DOCK4: variants seen among roughly 807,000 people sequenced by gnomAD.
The protein encoded by DOCK4 is dedicator of cytokinesis 4.
In DOCK4, 97 loss-of-function variants were observed where a neutral mutation model predicts 268.1. The observed-to-expected ratio is 0.36, with a 90% CI of 0.31 to 0.43. The LOEUF is 0.43. DOCK4 is among the 20% of genes least tolerant of loss of function. The pLI is 1.00. For missense variants in DOCK4, 2,145 were observed against 2,455.7 expected, an observed-to-expected ratio of 0.87 and a Z score of 2.67; for synonymous variants, 954 against 887.2, an observed-to-expected ratio of 1.08 and a Z score of -1.34.
intron 34 of DOCK4, 85 bp from the exon 35 acceptor site, chr7:111,783,009 A>T: frequency 8.6e-7 from 1 of 1,161,786 alleles, no homozygotes; most frequent in Non-Finnish European, 1.2e-6. Context: ...AAAAAAAGAA[A>T]GAAAGAAAGA....
At chr7:111,789,093 C>T (rs2133796237) in intron 31 of DOCK4, 1 of 317,558 alleles carries the variant, frequency 3.1e-6, no homozygotes, top group South Asian at 3.8e-5. Flanking sequence ...TTTTTTTAAA[C>T]ATCACTATAT....
intron 12 of DOCK4, among the ~76,000 whole-genome samples, chr7:111,919,246 A>T (rs1482258914): frequency 6.6e-6 from 1 of 152,216 alleles, no homozygotes; most frequent in Admixed American, 6.5e-5. Flanking sequence ...GAAGAAAATT[A>T]AAGAAGATAG....
chr7:111,790,653 G>T, intron 30 of DOCK4, 48 bp from the exon 31 acceptor site: 1 of 1,484,246 alleles, frequency 6.7e-7, no homozygotes, highest in Non-Finnish European at 9.0e-7. Context: ...ATCTTAATAT[G>T]ATTTCAGAAA....
At position 111,895,728 on chromosome 7, in the gene DOCK4, A is replaced by T; in HGVS notation, c.1481-10T>A. On this transcript the variant is annotated splice_polypyrimidine_tract_variant and intron_variant, in intron 15 of 52. Coordinates refer to ENST00000428084, the MANE Select transcript of DOCK4 (RefSeq NM_001363540.2). The stretch of plus-strand genomic sequence containing the variant: ...TCTCCTTTCTCCTTTGCTGTAAAAA[A>T]CAAATTACTTGCTTATTTAAGTGTA... 2 of 1,611,588 alleles carry T rather than the reference A, an allele frequency of 1.2e-6. No individual in the cohort carries two copies. The highest frequency in any genetic ancestry group is 2.2e-5 in the East Asian group (1 of 44,856).
chr7:111,758,479 C>G, intron 41 of DOCK4, 145 bp downstream of exon 41: 3 of 943,418 alleles, frequency 3.2e-6, no homozygotes, highest in Non-Finnish European at 4.7e-6. Flanking sequence ...CGTGGAGCTG[C>G]AGAACCACTA....
intron 1 of DOCK4, among the ~76,000 whole-genome samples, chr7:112,093,990 T>A (rs1267562239): frequency 1.3e-5 from 2 of 152,006 alleles, no homozygotes. Flanking sequence ...GCTTAGATAT[T>A]ATGAGACCAT....
At chr7:112,165,368 G>C (rs145293615) in intron 1 of DOCK4, among the ~76,000 whole-genome samples, 1 of 151,258 alleles carries the variant, frequency 6.6e-6, no homozygotes, top group Non-Finnish European at 1.5e-5. Context: ...CATGCTCTAC[G>C]TCCATGTGAT....
In DOCK4 at chr7:111,863,873, T is replaced by C. The variant is rs553567208; in HGVS notation, c.2281-309A>G. ...GTGCATCAAAACTGAATAGAAAGAATGCTCAACCAAGACCTGGATTGTAGT... is the reference window on the plus strand; with the variant it reads ...GTGCATCAAAACTGAATAGAAAGAACGCTCAACCAAGACCTGGATTGTAGT... On this transcript the variant is annotated intron_variant, in intron 22 of 52. Transcript: ENST00000428084. Among the ~76,000 whole-genome samples, 6 of 152,306 alleles carry C rather than the reference T, an allele frequency of 3.9e-5. No individual in the cohort carries two copies. The East Asian group carries it at 1.2e-3, about 29-fold the overall frequency.
intron 7 of DOCK4, among the ~76,000 whole-genome samples, chr7:111,983,844 A>ACACGCG (rs1554402960): frequency 8.6e-5 from 12 of 138,938 alleles, no homozygotes; most frequent in African/African-American, 3.5e-4. Flanking sequence ...GTACACACAC[A>ACACGCG]CGCGCGCGCG....
At chr7:112,159,577 T>C (rs1816905329) in intron 1 of DOCK4, among the ~76,000 whole-genome samples, 1 of 152,144 alleles carries the variant, frequency 6.6e-6, no homozygotes, top group Non-Finnish European at 1.5e-5. Flanking sequence ...TTTCTTTTGC[T>C]CTAACAGTTG....
intron 42 of DOCK4, among the ~76,000 whole-genome samples, chr7:111,753,895 A>C (rs1246507334): frequency 6.6e-6 from 1 of 152,246 alleles, no homozygotes; most frequent in Non-Finnish European, 1.5e-5. Context: ...ACATATTCTA[A>C]TAAAGTAGGC....
At chr7:112,172,378 TC>T (rs1818162642) in intron 1 of DOCK4, among the ~76,000 whole-genome samples, 1 of 152,190 alleles carries the variant, frequency 6.6e-6, no homozygotes, top group Non-Finnish European at 1.5e-5. Flanking sequence ...CTATTTTACC[TC>T]CCTATGAGAA....
chr7:112,075,722 T>C (rs1163761028), intron 1 of DOCK4, among the ~76,000 whole-genome samples: 1 of 152,208 alleles, frequency 6.6e-6, no homozygotes, highest in African/African-American at 2.4e-5. Flanking sequence ...TTCACATGCA[T>C]AGTCACAATG....
intron 36 of DOCK4, among the ~76,000 whole-genome samples, chr7:111,776,251 C>T (rs1798436751): frequency 6.6e-6 from 1 of 152,148 alleles, no homozygotes; most frequent in South Asian, 2.1e-4. Flanking sequence ...TAGACAAAGA[C>T]TATGAAGCAG....
intron 1 of DOCK4, among the ~76,000 whole-genome samples, chr7:112,052,466 T>A (rs941798813): frequency 2.0e-5 from 3 of 152,136 alleles, no homozygotes; most frequent in Non-Finnish European, 4.4e-5. Flanking sequence ...CTTCCCCCCC[T>A]CACTTCGGGC....
At chr7:111,828,890 A>ATATATATATATATATG (rs941620413) in intron 26 of DOCK4, among the ~76,000 whole-genome samples, 1 of 69,270 alleles carries the variant, frequency 1.4e-5, no homozygotes, top group African/African-American at 2.8e-4. Context: ...GTGTGTGTGT[A>ATATATATATATATATG]TATATATATA....
intron 30 of DOCK4, among the ~76,000 whole-genome samples, chr7:111,796,651 T>A (rs1484676710): frequency 7.4e-6 from 1 of 135,966 alleles, no homozygotes; most frequent in East Asian, 2.0e-4. Flanking sequence ...ACTAGAACCA[T>A]TTTTTTTTAA....
At chr7:111,752,850 A>C (rs183046674) in intron 42 of DOCK4, among the ~76,000 whole-genome samples, 8 of 152,088 alleles carry the variant, frequency 5.3e-5, no homozygotes, top group Admixed American at 4.6e-4. Context: ...AGCCTCCCGA[A>C]GTGCTGGGAT....
chr7:111,921,286 C>T (rs1008357699), intron 12 of DOCK4, among the ~76,000 whole-genome samples: 5 of 152,176 alleles, frequency 3.3e-5, no homozygotes, highest in South Asian at 2.1e-4. Context: ...GTTCAGCTTA[C>T]GGAGTGGTAG....
Sources: gnomAD v4.1 joint callset for allele counts (sites outside exome capture counted in the v4.1 genomes callset) on GRCh38, gnomAD v4.1.1 for gene constraint, MANE v1.5 for transcripts, NCBI Gene and HGNC (gene_info 2026-07-23, HGNC 2026-07-21) for gene names.